The following FAM117B variants were observed in gnomAD, a reference collection of about 807,000 sequenced individuals.
FAM117B encodes protein FAM117B.
In FAM117B, 22 loss-of-function variants were observed where a neutral mutation model predicts 52.8. The ratio of observed to expected loss-of-function variants is 0.42; its 90% CI spans 0.30 to 0.59. The LOEUF is 0.59. Ranked by LOEUF, FAM117B falls within the 20% of genes least tolerant of loss-of-function variation. The pLI is 0.22. For synonymous variants in FAM117B, 309 were observed against 324.1 expected, an observed-to-expected ratio of 0.95 and a Z score of 0.50; for missense variants, 678 against 802.6, an observed-to-expected ratio of 0.84 and a Z score of 1.88.
chr2:202,703,254 A>G (rs1243967240), intron 2 of FAM117B, among the ~76,000 whole-genome samples: 2 of 152,176 alleles, frequency 1.3e-5, no homozygotes, highest in Non-Finnish European at 2.9e-5. Flanking sequence ...TGCCCATTTC[A>G]TGTAAGTGGA....
chr2:202,739,064 C>T (rs1691483868), intron 4 of FAM117B, among the ~76,000 whole-genome samples: 1 of 152,104 alleles, frequency 6.6e-6, no homozygotes, highest in Non-Finnish European at 1.5e-5. Flanking sequence ...TAGCACATAC[C>T]TGTAATCCCA....
At chr2:202,666,923 G>T (rs191126595) in intron 1 of FAM117B, among the ~76,000 whole-genome samples, 1 of 151,806 alleles carries the variant, frequency 6.6e-6, no homozygotes, top group Non-Finnish European at 1.5e-5. Context: ...GGGAGTACAG[G>T]TGTGAGCCAC....
chr2:202,715,854 C>G (rs191211708), intron 2 of FAM117B, among the ~76,000 whole-genome samples: 1 of 151,974 alleles, frequency 6.6e-6, no homozygotes, highest in African/African-American at 2.4e-5. Context: ...CCGAGGCTGG[C>G]GGATCACTTG....
At chr2:202,756,145 A>G (rs1450650290) in intron 5 of FAM117B, among the ~76,000 whole-genome samples, 1 of 152,192 alleles carries the variant, frequency 6.6e-6, no homozygotes, top group African/African-American at 2.4e-5. Flanking sequence ...GGCTGTGCAC[A>G]GTGGCTCACA....
intron 1 of FAM117B, among the ~76,000 whole-genome samples, chr2:202,663,449 T>G (rs1690160340): frequency 6.6e-6 from 1 of 152,354 alleles, no homozygotes; most frequent in Admixed American, 6.5e-5. Flanking sequence ...GTGTATCTTT[T>G]TATTTAATGG....
intron 7 of FAM117B, among the ~76,000 whole-genome samples, chr2:202,761,191 C>G (rs1559117955): frequency 6.6e-6 from 1 of 152,252 alleles, no homozygotes; most frequent in African/African-American, 2.4e-5. Context: ...GCCACTGCAT[C>G]CGGCCTGAGT....
intron 1 of FAM117B, among the ~76,000 whole-genome samples, chr2:202,689,396 T>C (rs193296728): frequency 1.3e-5 from 2 of 152,206 alleles, no homozygotes; most frequent in Non-Finnish European, 2.9e-5. Context: ...TGAGCCGAGA[T>C]CATGCCACTG....
intron 2 of FAM117B, among the ~76,000 whole-genome samples, chr2:202,699,537 T>C (rs186279472): frequency 5.2e-4 from 77 of 148,476 alleles, no homozygotes; most frequent in African/African-American, 1.8e-3. Context: ...TCCTAAAGGA[T>C]AACTGGGTAC....
chr2:202,635,603 GGCC>G lies in FAM117B; in HGVS notation c.434_436del (p.Pro145del), dbSNP rs781743179. On this transcript the variant is annotated inframe_deletion, in exon 1 of 8. Coordinates refer to ENST00000392238, the MANE Select transcript of FAM117B (RefSeq NM_173511.4). ...CCTGGAGCTCGCGGGAGCCCCCCAC[GGCC>G]GCCGCCGCCGCCGCCGCTGCTGGGC... The G allele has an allele frequency of 5.1e-4, 644 of 1,274,300 alleles. No individual in the cohort carries two copies. Among genetic ancestry groups the G allele is most frequent in the South Asian group, 3.0e-3 (115 of 38,806 alleles). 78.9% of individuals were successfully genotyped at this position (1,274,300 alleles called of 1,614,324 possible). A position where few individuals can be genotyped will look rare whatever the true frequency, so the allele number is the denominator to read the frequency against.
At chr2:202,647,498 T>A (rs1318002561) in intron 1 of FAM117B, among the ~76,000 whole-genome samples, 1 of 152,246 alleles carries the variant, frequency 6.6e-6, no homozygotes, top group East Asian at 1.9e-4. Context: ...AGATTTCATA[T>A]TCAACTGAAA....
intron 2 of FAM117B, among the ~76,000 whole-genome samples, chr2:202,724,472 C>T (rs1387047027): frequency 1.3e-5 from 2 of 152,218 alleles, no homozygotes; most frequent in Non-Finnish European, 2.9e-5. Flanking sequence ...ACACCTTAGG[C>T]AACTTACATG....
Position 202,769,627 on chromosome 2 carries a change from C to T in FAM117B, c.*3863C>T, listed in dbSNP as rs914236106. 1.3e-5 allele frequency: 2 copies of T among 152,498 alleles called. No homozygotes were observed. Among genetic ancestry groups the T allele is most frequent in the African/African-American group, 4.8e-5 (2 of 41,400 alleles). The allele number at this position is 152,498 out of a possible 1,614,324, so 9.4% of individuals were successfully genotyped here. On this transcript the variant is annotated 3_prime_UTR_variant, in exon 8 of 8. Transcript: ENST00000392238. ...CATTTTGTTATTCTAACAATTCTCTCAAAAAACAGCATTTCCAATGGTAAT... is the reference window on the plus strand; with the variant it reads ...CATTTTGTTATTCTAACAATTCTCTTAAAAAACAGCATTTCCAATGGTAAT...
chr2:202,732,082 G>A (rs1691361328), intron 4 of FAM117B, among the ~76,000 whole-genome samples: 1 of 150,524 alleles, frequency 6.6e-6, no homozygotes. Flanking sequence ...GTAGAGATGG[G>A]GTTTCACCTT....
chr2:202,638,122 G>T (rs1689715130), intron 1 of FAM117B, among the ~76,000 whole-genome samples: 1 of 152,002 alleles, frequency 6.6e-6, no homozygotes, highest in African/African-American at 2.4e-5. Flanking sequence ...GTGACCTGCC[G>T]ACCTCGGCCT....
At chr2:202,731,527 T>G (rs1380927251) in intron 4 of FAM117B, among the ~76,000 whole-genome samples, 1 of 151,010 alleles carries the variant, frequency 6.6e-6, no homozygotes, top group African/African-American at 2.4e-5. Context: ...GCCTCCCGGG[T>G]TCAAGCGATT....
intron 7 of FAM117B, among the ~76,000 whole-genome samples, chr2:202,761,065 C>G (rs942286476): frequency 6.6e-6 from 1 of 152,168 alleles, no homozygotes; most frequent in African/African-American, 2.4e-5. Context: ...TGCCACCACA[C>G]CCAGCTAGTT....
At position 202,655,753 on chromosome 2, in the gene FAM117B, A is replaced by T. The variant is rs1481202820; in HGVS notation, c.601+19965A>T. Among the ~76,000 whole-genome samples the T allele has an allele frequency of 6.3e-3, 826 of 131,500 alleles. 6 individuals carry two copies. The highest frequency in any genetic ancestry group is 0.029 in the African/African-American group (791 of 27,080). The allele number at this position is 131,500 out of a possible 152,430, so 86.3% of individuals were successfully genotyped here. A position where few individuals can be genotyped will look rare whatever the true frequency, so the allele number is the denominator to read the frequency against. On this transcript the variant is annotated intron_variant, in intron 1 of 7. Coordinates refer to ENST00000392238, the MANE Select transcript of FAM117B (RefSeq NM_173511.4). Reference sequence around the variant, plus strand: ...GAGAGAGAGAGAGAGAGAGAGAGAGAGAGAGAGAGTGTGTGTGTGTGTGTG... The same window carrying T: ...GAGAGAGAGAGAGAGAGAGAGAGAGTGAGAGAGAGTGTGTGTGTGTGTGTG...
chr2:202,765,431 C>T lies in FAM117B; in HGVS notation c.1452-15C>T. On this transcript the variant is annotated splice_polypyrimidine_tract_variant and intron_variant, in intron 7 of 7. Coordinates refer to ENST00000392238, the MANE Select transcript of FAM117B (RefSeq NM_173511.4). ...CAGTGACTTAAAAGCATTGGGTTGTCTGTTCTATGTCTAGGCCAAAACAGC... is the reference window on the plus strand; with the variant it reads ...CAGTGACTTAAAAGCATTGGGTTGTTTGTTCTATGTCTAGGCCAAAACAGC... 6.3e-7 allele frequency: 1 copy of T among 1,589,804 alleles called. No homozygotes were observed. The highest frequency in any genetic ancestry group is 8.6e-7 in the Non-Finnish European group (1 of 1,166,088).
chr2:202,751,047 T>C (rs939872491), intron 4 of FAM117B, among the ~76,000 whole-genome samples: 1 of 152,184 alleles, frequency 6.6e-6, no homozygotes, highest in African/African-American at 2.4e-5. Context: ...ACATAGAATT[T>C]ATGTTTATAT....
Sources: gnomAD v4.1 joint callset for allele counts (sites outside exome capture counted in the v4.1 genomes callset) on GRCh38, gnomAD v4.1.1 for gene constraint, MANE v1.5 for transcripts, NCBI Gene and HGNC (gene_info 2026-07-23, HGNC 2026-07-21) for gene names.